The following RANBP3L variants were observed in gnomAD, a reference collection of about 807,000 sequenced individuals.
The protein encoded by RANBP3L is ran-binding protein 3-like.
Under a neutral mutation model 67.2 loss-of-function variants are expected in RANBP3L, and 56 were observed. The ratio of observed to expected loss-of-function variants is 0.83; its 90% CI spans 0.67 to 1.04. The LOEUF (loss-of-function observed/expected upper bound fraction) is 1.04, where lower values mean the gene tolerates loss of function less well. RANBP3L is among the 50% of genes least tolerant of loss of function. The pLI is 0.00. For synonymous variants in RANBP3L, 164 were observed against 181.4 expected, an observed-to-expected ratio of 0.90 and a Z score of 0.77; for missense variants, 496 against 535.5, an observed-to-expected ratio of 0.93 and a Z score of 0.73.
intron 1 of RANBP3L, among the ~76,000 whole-genome samples, chr5:36,299,757 A>G (rs1752489508): frequency 6.6e-6 from 1 of 152,160 alleles, no homozygotes; most frequent in Admixed American, 6.6e-5. Context: ...GAATTTTGCT[A>G]CATCCATATA....
At chr5:36,291,529 T>C (rs1226620983) in intron 1 of RANBP3L, among the ~76,000 whole-genome samples, 1 of 152,034 alleles carries the variant, frequency 6.6e-6, no homozygotes, top group African/African-American at 2.4e-5. Flanking sequence ...AGGTATATCT[T>C]CCAATGCTAT....
chr5:36,250,131 ATTAG>A (rs996352472), intron 13 of RANBP3L, among the ~76,000 whole-genome samples: 3 of 152,020 alleles, frequency 2.0e-5, no homozygotes, highest in Non-Finnish European at 2.9e-5. Flanking sequence ...AACATGTGTC[ATTAG>A]TTAGTGAGAG....
At chr5:36,282,120 T>C (rs542863068) in intron 1 of RANBP3L, among the ~76,000 whole-genome samples, 2 of 152,294 alleles carry the variant, frequency 1.3e-5, no homozygotes, top group East Asian at 3.9e-4. Flanking sequence ...ACATATTTAA[T>C]TTGACAGCAT....
chr5:36,257,519 T>A lies in RANBP3L; in HGVS notation c.707A>T (p.Asp236Val), dbSNP rs780587007. ...GAATGGTTTTTCCTTGGCATATGAA[T>A]CATTTTCAAGTTGAGGCTGGGTGAG... is the stretch of plus-strand genomic sequence containing the variant. ...QKLTQPQLEN[D>V]SYAKEKPFKS... The change falls in exon 9 of 14, where the codon GAT becomes GTT. Residue 236 changes from aspartate to valine, a missense_variant. Transcript: ENST00000296604. 4 of 1,596,364 alleles carry A rather than the reference T, an allele frequency of 2.5e-6. No homozygotes were observed. In the East Asian group the frequency reaches 9.0e-5, roughly 36 times the overall value.
chr5:36,257,022 G>T lies in RANBP3L; in HGVS notation c.822C>A (p.Phe274Leu), dbSNP rs767229854. 9 of 1,612,568 alleles carry T rather than the reference G, an allele frequency of 5.6e-6. No homozygotes were observed. Among genetic ancestry groups the T allele is most frequent in the African/African-American group, 1.3e-5 (1 of 74,850 alleles). The change falls in exon 10 of 14, where the codon TTC (phenylalanine) becomes TTA (leucine). Residue 274 changes from phenylalanine to leucine, a missense_variant. By Grantham distance (22) the Phe-to-Leu change is conservative. Coordinates refer to ENST00000296604, the MANE Select transcript of RANBP3L (RefSeq NM_145000.5). ...AGCATTTTCGTGATGGTTGGGAAGA[G>T]AATGCAGCAGCTGATTCAATTAGGG... ...NTSLIESAAAFSSQPSRKCLL... is the reference protein window; with the variant it reads ...NTSLIESAAALSSQPSRKCLL...
chr5:36,255,372 A>T, intron 11 of RANBP3L, 98 bp downstream of exon 11: 1 of 1,194,388 alleles, frequency 8.4e-7, no homozygotes, highest in Non-Finnish European at 1.1e-6. Context: ...GGTGTATTTT[A>T]TAGCACATCT....
At chr5:36,266,626 T>C (rs1395921907) in intron 4 of RANBP3L, among the ~76,000 whole-genome samples, 1 of 152,170 alleles carries the variant, frequency 6.6e-6, no homozygotes, top group Admixed American at 6.5e-5. Context: ...TTTGTGTGAG[T>C]GTCCAGTAAA....
intron 1 of RANBP3L, among the ~76,000 whole-genome samples, chr5:36,278,287 A>G (rs752368884): frequency 3.9e-5 from 6 of 152,024 alleles, no homozygotes; most frequent in Non-Finnish European, 8.8e-5. Flanking sequence ...GAAGTTTCCA[A>G]ATTCAGATGT....
At chr5:36,281,091 G>A in intron 1 of RANBP3L, among the ~76,000 whole-genome samples, 1 of 152,128 alleles carries the variant, frequency 6.6e-6, no homozygotes, top group East Asian at 1.9e-4. Context: ...TAGAGGTATG[G>A]TTTTAAAAAC....
intron 1 of RANBP3L, among the ~76,000 whole-genome samples, chr5:36,277,027 T>TAAA (rs1467017103): frequency 6.6e-6 from 1 of 152,186 alleles, no homozygotes; most frequent in African/African-American, 2.4e-5. Context: ...AAAGGTTGTG[T>TAAA]AAACAGTCTT....
intron 1 of RANBP3L, among the ~76,000 whole-genome samples, chr5:36,273,064 TTTG>T (rs1330151823): frequency 1.3e-5 from 2 of 152,264 alleles, no homozygotes; most frequent in South Asian, 2.1e-4. Context: ...AGCTCAATTC[TTTG>T]TTGTTTCTCA....
intron 1 of RANBP3L, 134 bp from the exon 2 acceptor site, chr5:36,271,445 A>G (rs1750208138): frequency 1.6e-6 from 1 of 622,940 alleles, no homozygotes; most frequent in Non-Finnish European, 2.9e-6. Flanking sequence ...GCTATTTTAC[A>G]TGAATACTAT....
chr5:36,259,222 G>A (rs1455161996), intron 8 of RANBP3L, among the ~76,000 whole-genome samples: 1 of 151,970 alleles, frequency 6.6e-6, no homozygotes, highest in Non-Finnish European at 1.5e-5. Context: ...CCTTCATTTT[G>A]GGAATGACAG....
At chr5:36,285,608 G>C (rs1751266191) in intron 1 of RANBP3L, among the ~76,000 whole-genome samples, 1 of 152,200 alleles carries the variant, frequency 6.6e-6, no homozygotes. Context: ...GACTTTAGAA[G>C]ACACCAGCAA....
intron 4 of RANBP3L, among the ~76,000 whole-genome samples, chr5:36,267,246 C>T (rs11750947): frequency 0.74 from 112,795 of 152,106 alleles, 47,880 homozygotes; most frequent in Non-Finnish European, 0.96. Flanking sequence ...TGGTGGCTCA[C>T]GACTGTAATC....
rs1364710289 is a variant in RANBP3L at position 36,253,671 on chromosome 5, A to G, written c.1143T>C (p.Tyr381=). 8 of 1,607,608 alleles carry G rather than the reference A, an allele frequency of 5.0e-6. No individual in the cohort carries two copies. Among genetic ancestry groups the G allele is most frequent in the Non-Finnish European group, 6.8e-6 (8 of 1,174,406 alleles). The stretch of plus-strand genomic sequence containing the variant: ...CCTGAATTAAAAATATTTTGATGCT[A>G]TAGTCTTCTAAATCAGTAGCTGTTA... ...VRITATDLED[Y]SIKIFLIQAS... The change falls in exon 12 of 14, where the codon TAT becomes TAC. Residue 381 remains tyrosine (Y), a synonymous_variant. Transcript: ENST00000296604.
At chr5:36,281,461 T>G (rs78467007) in intron 1 of RANBP3L, among the ~76,000 whole-genome samples, 4,857 of 152,280 alleles carry the variant, frequency 0.032, 266 homozygotes, top group African/African-American at 0.11. Context: ...GCATGAGAGC[T>G]GACTCCAAAT....
chr5:36,288,862 CTT>C (rs1751510850), intron 1 of RANBP3L, among the ~76,000 whole-genome samples: 1 of 150,398 alleles, frequency 6.6e-6, no homozygotes, highest in African/African-American at 2.4e-5. Flanking sequence ...ATTGAAAGTT[CTT>C]TTTCAAATAT....
rs575420621 is a variant in RANBP3L at position 36,275,663 on chromosome 5, G to A, written c.92-4352C>T. On this transcript the variant is annotated intron_variant, in intron 1 of 13. Transcript: ENST00000296604. ...CCACAAATACAAGGAAAAATGAAGA[G>A]AAATAATAGCAACAAAATTTTGGAA... 2.0e-5 allele frequency among the ~76,000 whole-genome samples: 3 copies of A among 152,190 alleles called. No homozygotes were observed. In the South Asian group the frequency reaches 6.2e-4, roughly 32 times the overall value.
Sources: gnomAD v4.1 joint callset for allele counts (sites outside exome capture counted in the v4.1 genomes callset) on GRCh38, gnomAD v4.1.1 for gene constraint, MANE v1.5 for transcripts, NCBI Gene and HGNC (gene_info 2026-07-23, HGNC 2026-07-21) for gene names.